Variants in PKNOX1 observed in about 807,000 individuals in gnomAD.
PKNOX1 encodes PBX/knotted 1 homeobox 1, also known as homeobox protein PKNOX1.
A neutral mutation model predicts 51.9 loss-of-function variants in PKNOX1; 15 were observed. The observed-to-expected ratio is 0.29, with a 90% CI of 0.19 to 0.45. The LOEUF is 0.45. PKNOX1 is among the 20% of genes least tolerant of loss of function. The probability of loss-of-function intolerance (pLI) is 1.00; values close to 1 mark genes in which losing one functional copy is unlikely to be tolerated. For synonymous variants in PKNOX1, 219 were observed against 211.1 expected (o/e 1.04, Z -0.32); for missense variants, 462 against 547.5 (o/e 0.84, Z 1.56).
chr21:43,022,483 T>C (rs1979806222), intron 8 of PKNOX1, among the ~76,000 whole-genome samples: 1 of 152,146 alleles, frequency 6.6e-6, no homozygotes, highest in Admixed American at 6.5e-5. Flanking sequence ...TGAGTGGTCC[T>C]GGGAGGAGAA....
chr21:42,981,529 T>A (rs956495340), intron 1 of PKNOX1, among the ~76,000 whole-genome samples: 2 of 152,010 alleles, frequency 1.3e-5, no homozygotes, highest in South Asian at 4.1e-4. Context: ...CAGAGCAGCT[T>A]ATTTTATTTT....
intron 1 of PKNOX1, among the ~76,000 whole-genome samples, chr21:42,978,515 G>A (rs537878339): frequency 4.5e-5 from 6 of 133,772 alleles, no homozygotes; most frequent in South Asian, 4.6e-4. Flanking sequence ...AGATGGAGTC[G>A]CTCTGTCGCC....
chr21:42,992,731 T>C (rs1052332824), intron 1 of PKNOX1, among the ~76,000 whole-genome samples: 2 of 135,260 alleles, frequency 1.5e-5, no homozygotes, highest in African/African-American at 5.3e-5. Flanking sequence ...CACTGGGGGT[T>C]CCCTCACAGC....
intron 1 of PKNOX1, among the ~76,000 whole-genome samples, chr21:42,977,090 A>G (rs1025341430): frequency 6.6e-6 from 1 of 152,180 alleles, no homozygotes; most frequent in Non-Finnish European, 1.5e-5. Flanking sequence ...TTTTGAAAGA[A>G]ATCTTTTTCT....
intron 5 of PKNOX1, among the ~76,000 whole-genome samples, chr21:43,016,401 G>GT (rs1208193783): frequency 3.0e-4 from 46 of 152,222 alleles, no homozygotes; most frequent in Admixed American, 3.0e-3. Flanking sequence ...CCGTGCCGGG[G>GT]TCAAGAGTCA....
intron 4 of PKNOX1, among the ~76,000 whole-genome samples, chr21:43,011,604 C>G (rs1006433480): frequency 4.6e-5 from 7 of 152,210 alleles, no homozygotes; most frequent in African/African-American, 1.7e-4. Context: ...GTTTACTTCT[C>G]AGAGCTGGGT....
At position 43,030,076 on chromosome 21, in the gene PKNOX1, T is replaced by C. The variant is rs759066347; in HGVS notation, c.1286T>C (p.Leu429Ser). The C allele has an allele frequency of 3.1e-6, 5 of 1,605,022 alleles. No homozygotes were observed. The African/African-American group carries it at 4.0e-5, about 13-fold the overall frequency. Residue 429 changes from leucine (L) to serine (S), a missense_variant, in exon 11 of 11, where the codon TTG becomes TCG. By Grantham distance (145) the Leu-to-Ser change is moderately radical. This residue lies in a region of PKNOX1 where 118 missense variants were observed against 116.8 expected (regional missense o/e 1.01). Transcript: ENST00000291547. ...CCTGCCCACATCAGCGGGCTGGTCTTGGAGAACAGTGACTCCCTGCAGTAG... is the reference window on the plus strand; with the variant it reads ...CCTGCCCACATCAGCGGGCTGGTCTCGGAGAACAGTGACTCCCTGCAGTAG... ...LAPAHISGLV[L>S]ENSDSLQ
intron 1 of PKNOX1, among the ~76,000 whole-genome samples, chr21:42,979,524 C>T (rs773560821): frequency 2.8e-4 from 43 of 152,192 alleles, no homozygotes; most frequent in Non-Finnish European, 4.6e-4. Flanking sequence ...GGGTGGATCA[C>T]GAGGTCAGGA....
At chr21:43,019,013 A>T (rs1601298282) in intron 7 of PKNOX1, among the ~76,000 whole-genome samples, 1 of 145,096 alleles carries the variant, frequency 6.9e-6, no homozygotes, top group African/African-American at 2.6e-5. Flanking sequence ...TGAACCCGGG[A>T]AGCAGAGGTT....
At chr21:42,985,003 A>G (rs142232801) in intron 1 of PKNOX1, among the ~76,000 whole-genome samples, 1 of 61,418 alleles carries the variant, frequency 1.6e-5, no homozygotes, top group Non-Finnish European at 3.0e-5. Flanking sequence ...TTTTTTTTTG[A>G]GATGGAGTCT....
In PKNOX1 at chr21:43,007,113, G is replaced by A. The variant is rs377250682; in HGVS notation, c.52-378G>A. The stretch of plus-strand genomic sequence containing the variant: ...AGCGTATGGGTTAGGTTGTGTCTGT[G>A]ACATGGTAAGAAGACCTTGGACTAT... On this transcript the variant is annotated intron_variant, in intron 2 of 10. Transcript: ENST00000291547. Among the ~76,000 whole-genome samples, 8 of 152,332 alleles carry A rather than the reference G, an allele frequency of 5.3e-5. No homozygotes were observed. The South Asian group carries it at 6.2e-4, about 12-fold the overall frequency.
intron 1 of PKNOX1, among the ~76,000 whole-genome samples, chr21:42,980,258 A>G (rs1158661943): frequency 6.6e-6 from 1 of 152,068 alleles, no homozygotes; most frequent in African/African-American, 2.4e-5. Flanking sequence ...CTGTATCCCC[A>G]GCTACTCGGG....
intron 1 of PKNOX1, among the ~76,000 whole-genome samples, chr21:42,981,643 G>A (rs1040606227): frequency 5.3e-5 from 8 of 151,920 alleles, no homozygotes; most frequent in Admixed American, 2.0e-4. Flanking sequence ...CACTGCAGCC[G>A]GGAGCTTCTG....
chr21:43,013,250 TG>T lies in PKNOX1; in HGVS notation c.522+17del. 6.4e-7 allele frequency: 1 copy of T among 1,558,252 alleles called. No individual in the cohort carries two copies. The highest frequency in any genetic ancestry group is 1.2e-5 in the South Asian group (1 of 84,574). ...CAGTGCAGTCCCAGGTACTTACATT[TG>T]GGGGTCTCGCTTTCCCTCTCTGCCA... On this transcript the variant is annotated intron_variant, in intron 5 of 10. Coordinates refer to ENST00000291547, the MANE Select transcript of PKNOX1 (RefSeq NM_004571.5).
chr21:43,003,207 C>T (rs1413273002), intron 1 of PKNOX1, among the ~76,000 whole-genome samples: 1 of 152,220 alleles, frequency 6.6e-6, no homozygotes, highest in East Asian at 1.9e-4. Flanking sequence ...TCAGGGCAGC[C>T]CAGACTCTAA....
chr21:42,977,326 C>T (rs2059001872), intron 1 of PKNOX1, among the ~76,000 whole-genome samples: 1 of 152,118 alleles, frequency 6.6e-6, no homozygotes, highest in Non-Finnish European at 1.5e-5. Context: ...GTATGAAAGT[C>T]CTAGATGTCA....
Position 43,030,121 on chromosome 21 carries a change from T to A in PKNOX1, c.*20T>A, listed in dbSNP as rs1255088711. ...CAGTAGGGGCAGGAGCAGACGCACCTGACTTTTTGGAGTTTGCACAGCAAA... is the reference window on the plus strand; with the variant it reads ...CAGTAGGGGCAGGAGCAGACGCACCAGACTTTTTGGAGTTTGCACAGCAAA... On this transcript the variant is annotated 3_prime_UTR_variant, in exon 11 of 11. Coordinates refer to ENST00000291547, the MANE Select transcript of PKNOX1 (RefSeq NM_004571.5). The A allele has an allele frequency of 6.4e-7, 1 of 1,550,844 alleles. No homozygotes were observed. The highest frequency in any genetic ancestry group is 1.4e-5 in the African/African-American group (1 of 73,334).
intron 1 of PKNOX1, among the ~76,000 whole-genome samples, chr21:42,990,217 C>G (rs1003557993): frequency 1.4e-4 from 21 of 152,082 alleles, no homozygotes; most frequent in African/African-American, 5.1e-4. Flanking sequence ...CGAGATCACA[C>G]CACTGCACTC....
chr21:42,996,466 G>A (rs866055903), intron 1 of PKNOX1, among the ~76,000 whole-genome samples: 5 of 152,132 alleles, frequency 3.3e-5, no homozygotes, highest in African/African-American at 7.2e-5. Flanking sequence ...GTGCATTGGC[G>A]CCAGCTTTCC....
Sources: gnomAD v4.1 joint callset for allele counts (sites outside exome capture counted in the v4.1 genomes callset) on GRCh38, gnomAD v4.1.1 for gene constraint, gnomAD v4.1.1 regional missense constraint, MANE v1.5 for transcripts, NCBI Gene and HGNC (gene_info 2026-07-23, HGNC 2026-07-21) for gene names.